Variants in MLLT3 observed in about 807,000 individuals in gnomAD.
MLLT3 encodes protein AF-9.
A neutral mutation model predicts 53.2 loss-of-function variants in MLLT3; 4 were observed. The ratio of observed to expected loss-of-function variants is 0.08; its 90% CI spans 0.04 to 0.17. The LOEUF is 0.17. Ranked by LOEUF, MLLT3 falls within the 10% of genes least tolerant of loss-of-function variation. The pLI is 1.00. For missense variants in MLLT3, 569 were observed against 684.0 expected (o/e 0.83, Z 1.87); for synonymous variants, 283 against 230.6 (o/e 1.23, Z -2.06).
intron 2 of MLLT3, among the ~76,000 whole-genome samples, chr9:20,500,524 T>A (rs913206967): frequency 6.6e-6 from 1 of 152,180 alleles, no homozygotes; most frequent in Non-Finnish European, 1.5e-5. Flanking sequence ...GAGAAGAGCA[T>A]GTGGGTGAAA....
rs370444084 is a variant in MLLT3 at position 20,343,893 on chromosome 9, A to G, written c.*2550T>C. 19 of 204,516 alleles carry G rather than the reference A, an allele frequency of 9.3e-5. No homozygotes were observed. Among genetic ancestry groups the G allele is most frequent in the African/African-American group, 4.1e-4 (18 of 43,806 alleles). 12.7% of individuals were successfully genotyped at this position (204,516 alleles called of 1,614,324 possible). On this transcript the variant is annotated 3_prime_UTR_variant, in exon 11 of 11. Transcript: ENST00000380338. ...GGGTTACTTTAAGAGAGGTATTAAA[A>G]CTACTTGAAATTAATTCAAAGGGAT...
intron 2 of MLLT3, among the ~76,000 whole-genome samples, chr9:20,616,152 CAACCTCAACTTATGAGGT>C (rs1205979161): frequency 6.6e-6 from 1 of 152,122 alleles, no homozygotes; most frequent in Non-Finnish European, 1.5e-5. Context: ...ATTTACATTT[CAACCTCAACTTATGAGGT>C]AATAGTTCTA....
At chr9:20,419,718 G>A (rs1402278938) in intron 4 of MLLT3, among the ~76,000 whole-genome samples, 2 of 152,076 alleles carry the variant, frequency 1.3e-5, no homozygotes, top group African/African-American at 2.4e-5. Flanking sequence ...AGTCTGTTGC[G>A]AAAGAAGTAT....
chr9:20,380,465 A>G (rs1351451007), intron 5 of MLLT3: 2 of 152,054 alleles, frequency 1.3e-5, no homozygotes, highest in Non-Finnish European at 2.9e-5. Flanking sequence ...CTTGTTTTTA[A>G]TCTTCATAAA....
At position 20,414,279 on chromosome 9, in the gene MLLT3, ACTGCTGCTGCTG is replaced by A. The variant is rs952885740; in HGVS notation, c.555_566del (p.Ser187_Ser190del). 6.2e-7 allele frequency: 1 copy of A among 1,607,936 alleles called. No individual in the cohort carries two copies. Among genetic ancestry groups the A allele is most frequent in the Non-Finnish European group, 8.5e-7 (1 of 1,177,230 alleles). ...TGTGAGGCTTTGAAAAACTGGTACTACTGCTGCTGCTGCTGCTGCTACTGCTGCTGCTACTGC... is the reference window on the plus strand; with the variant it reads ...TGTGAGGCTTTGAAAAACTGGTACTACTGCTGCTACTGCTGCTGCTACTGC... On this transcript the variant is annotated inframe_deletion, in exon 5 of 11. Transcript: ENST00000380338.
rs529884421 is a variant in MLLT3, at chr9:20,462,145, G to A, written c.194-5359C>T. ...AGCTTACCGCACCTACCACTACAAG[G>A]CTTTACAGTCAAGACATTTTGAAAA... On this transcript the variant is annotated intron_variant, in intron 2 of 10. Coordinates refer to ENST00000380338, the MANE Select transcript of MLLT3 (RefSeq NM_004529.4). 7.2e-5 allele frequency among the ~76,000 whole-genome samples: 11 copies of A among 152,220 alleles called. No individual in the cohort carries two copies. In the South Asian group the frequency reaches 2.3e-3, roughly 32 times the overall value.
At chr9:20,481,560 CA>C (rs1254166916) in intron 2 of MLLT3, among the ~76,000 whole-genome samples, 3 of 152,082 alleles carry the variant, frequency 2.0e-5, no homozygotes, top group Admixed American at 2.0e-4. Flanking sequence ...CTCTCAGATA[CA>C]AAGAGACAAC....
intron 8 of MLLT3, among the ~76,000 whole-genome samples, chr9:20,359,288 T>G (rs1313898538): frequency 6.6e-6 from 1 of 151,960 alleles, no homozygotes; most frequent in African/African-American, 2.4e-5. Context: ...TGATTGGCCA[T>G]GATGCATATG....
Position 20,413,776 on chromosome 9 carries a change from T to C in MLLT3, c.1070A>G (p.Asp357Gly). Residue 357 changes from aspartate to glycine, a missense_variant, in exon 5 of 11, where the codon GAT (aspartate) becomes GGT (glycine). Coordinates refer to ENST00000380338, the MANE Select transcript of MLLT3 (RefSeq NM_004529.4). Reference protein sequence around the residue: ...KKKSTLPPFDDIVDPNDSDVE... With the variant: ...KKKSTLPPFDGIVDPNDSDVE... ...ATCTGAATCATTGGGATCCACAATA[T>C]CATCAAATGGCGGTAACGTTGATTT... 5 of 1,613,630 alleles carry C rather than the reference T, an allele frequency of 3.1e-6. No homozygotes were observed.
At chr9:20,496,985 T>C (rs536146164) in intron 2 of MLLT3, among the ~76,000 whole-genome samples, 1 of 152,348 alleles carries the variant, frequency 6.6e-6, no homozygotes, top group Admixed American at 6.5e-5. Context: ...GCTTCCACTA[T>C]AAATGCTTAA....
At chr9:20,452,174 C>T (rs1490367758) in intron 3 of MLLT3, among the ~76,000 whole-genome samples, 1 of 152,156 alleles carries the variant, frequency 6.6e-6, no homozygotes, top group Non-Finnish European at 1.5e-5. Flanking sequence ...CTCTGAACAA[C>T]ACTTTTTCAT....
chr9:20,567,672 T>G (rs1192162758), intron 2 of MLLT3, among the ~76,000 whole-genome samples: 2 of 152,196 alleles, frequency 1.3e-5, no homozygotes, highest in East Asian at 3.8e-4. Context: ...TACCCAGATT[T>G]ATAGAATGGT....
intron 4 of MLLT3, among the ~76,000 whole-genome samples, chr9:20,440,082 A>G (rs938621803): frequency 3.9e-5 from 6 of 152,212 alleles, no homozygotes; most frequent in Admixed American, 6.5e-5. Context: ...CATGTCAATA[A>G]ATAAACTAAT....
chr9:20,358,019 A>ACACACACACACAC (rs1587149323), intron 8 of MLLT3, among the ~76,000 whole-genome samples: 1 of 151,338 alleles, frequency 6.6e-6, no homozygotes, highest in African/African-American at 2.4e-5. Context: ...ACACACATTC[A>ACACACACACACAC]AATACGACTA....
At chr9:20,363,806 C>G (rs1209489312) in intron 6 of MLLT3, among the ~76,000 whole-genome samples, 2 of 152,050 alleles carry the variant, frequency 1.3e-5, no homozygotes, top group Non-Finnish European at 2.9e-5. Flanking sequence ...ATAATGGATT[C>G]CCAAAATATT....
In MLLT3 at chr9:20,345,798, G is replaced by C. The variant is rs1036693853; in HGVS notation, c.*645C>G. 4.5e-6 allele frequency: 1 copy of C among 222,356 alleles called. No homozygotes were observed. The highest frequency in any genetic ancestry group is 6.5e-5 in the East Asian group (1 of 15,370). 13.8% of individuals were successfully genotyped at this position (222,356 alleles called of 1,614,324 possible). ...AGAAGAAAATCAAGGTGGCTATTTG[G>C]TCCCCCCAGTTGATAATCTGTGTCC... On this transcript the variant is annotated 3_prime_UTR_variant, in exon 11 of 11. Coordinates refer to ENST00000380338, the MANE Select transcript of MLLT3 (RefSeq NM_004529.4).
intron 2 of MLLT3, among the ~76,000 whole-genome samples, chr9:20,580,396 T>C (rs535850309): frequency 2.0e-5 from 3 of 151,868 alleles, no homozygotes; most frequent in Admixed American, 6.6e-5. Flanking sequence ...TTAGAGAAAA[T>C]CTCTTGAAAA....
intron 5 of MLLT3, among the ~76,000 whole-genome samples, chr9:20,391,020 T>C (rs1441419175): frequency 1.3e-5 from 2 of 152,248 alleles, no homozygotes; most frequent in Non-Finnish European, 2.9e-5. Context: ...ATGCACAATC[T>C]AGGCATACAG....
At chr9:20,409,250 C>T (rs1030304182) in intron 5 of MLLT3, among the ~76,000 whole-genome samples, 4 of 152,240 alleles carry the variant, frequency 2.6e-5, no homozygotes, top group East Asian at 1.9e-4. Context: ...TCTGATCATA[C>T]GTGGTTATCT....
Sources: gnomAD v4.1 joint callset for allele counts (sites outside exome capture counted in the v4.1 genomes callset) on GRCh38, gnomAD v4.1.1 for gene constraint, MANE v1.5 for transcripts, NCBI Gene and HGNC (gene_info 2026-07-23, HGNC 2026-07-21) for gene names.